SNTG1: variants seen among roughly 807,000 people sequenced by gnomAD.
SNTG1 encodes the protein syntrophin gamma 1.
A neutral mutation model predicts 74.7 loss-of-function variants in SNTG1; 39 were observed. The ratio of observed to expected loss-of-function variants is 0.52; its 90% confidence interval spans 0.40 to 0.68. The LOEUF is 0.68. Ranked by LOEUF, SNTG1 falls within the 30% of genes least tolerant of loss-of-function variation. The pLI is 0.00. For missense variants in SNTG1, 685 were observed against 609.5 expected (o/e 1.12, Z -1.30); for synonymous variants, 254 against 217.1 (o/e 1.17, Z -1.49).
chr8:50,022,503 A>G (rs939534580), intron 1 of SNTG1, among the ~76,000 whole-genome samples: 1 of 152,194 alleles, frequency 6.6e-6, no homozygotes, highest in Non-Finnish European at 1.5e-5. Context: ...TATTAAACCA[A>G]TGAGAGCTTC....
chr8:49,948,203 A>G (rs1454566108), intron 1 of SNTG1, among the ~76,000 whole-genome samples: 11 of 151,998 alleles, frequency 7.2e-5, no homozygotes, highest in Admixed American at 7.2e-4. Flanking sequence ...ATCTCATAAA[A>G]CCTCTGTAAA....
chr8:49,971,064 C>A (rs891082091), intron 1 of SNTG1, among the ~76,000 whole-genome samples: 1 of 151,946 alleles, frequency 6.6e-6, no homozygotes, highest in Non-Finnish European at 1.5e-5. Flanking sequence ...GAGACACAAC[C>A]AAAAAAGAGA....
intron 2 of SNTG1, among the ~76,000 whole-genome samples, chr8:50,226,363 C>T (rs2085328303): frequency 6.6e-6 from 1 of 152,228 alleles, no homozygotes; most frequent in East Asian, 1.9e-4. Flanking sequence ...CCCTGATGTC[C>T]TTTGTGGGGG....
intron 2 of SNTG1, among the ~76,000 whole-genome samples, chr8:50,357,919 T>C (rs1227672726): frequency 6.6e-6 from 1 of 152,216 alleles, no homozygotes; most frequent in Admixed American, 6.5e-5. Flanking sequence ...AGATATTTGA[T>C]TGTGTCTCCG....
chr8:49,974,347 T>G (rs1333102641), intron 1 of SNTG1, among the ~76,000 whole-genome samples: 3 of 152,222 alleles, frequency 2.0e-5, no homozygotes. Flanking sequence ...ATATATTTTA[T>G]TTGCTTCTTT....
intron 1 of SNTG1, among the ~76,000 whole-genome samples, chr8:49,981,983 TA>T (rs35783241): frequency 6.6e-6 from 1 of 152,002 alleles, no homozygotes; most frequent in Admixed American, 6.6e-5. Flanking sequence ...AGGTCCTTCT[TA>T]AAAAAATAAC....
intron 1 of SNTG1, among the ~76,000 whole-genome samples, chr8:49,952,183 A>G (rs1809781257): frequency 6.6e-6 from 1 of 152,162 alleles, no homozygotes; most frequent in Non-Finnish European, 1.5e-5. Flanking sequence ...TCCATGTGCT[A>G]TATACTGTAT....
intron 2 of SNTG1, among the ~76,000 whole-genome samples, chr8:50,271,801 G>C (rs150123605): frequency 6.6e-6 from 1 of 152,214 alleles, no homozygotes; most frequent in East Asian, 1.9e-4. Flanking sequence ...TACATACCTG[G>C]TGTTATGATA....
chr8:50,126,367 A>G (rs956352721), intron 1 of SNTG1, among the ~76,000 whole-genome samples: 1 of 152,188 alleles, frequency 6.6e-6, no homozygotes, highest in African/African-American at 2.4e-5. Flanking sequence ...GAGAAGAAAT[A>G]GGTTTGAATG....
At chr8:50,419,816 G>A (rs1477404682) in intron 4 of SNTG1, among the ~76,000 whole-genome samples, 7 of 152,048 alleles carry the variant, frequency 4.6e-5, no homozygotes, top group African/African-American at 1.7e-4. Flanking sequence ...TGAAACAAAT[G>A]AGAAAATAGA....
chr8:50,637,246 T>C lies in SNTG1; in HGVS notation c.850-19663T>C, dbSNP rs146953362. Among the ~76,000 whole-genome samples the C allele has an allele frequency of 1.6e-3, 241 of 152,270 alleles. 1 individual carries two copies. Among genetic ancestry groups the C allele is most frequent in the African/African-American group, 5.5e-3 (228 of 41,566 alleles). ...CTTGCTTGCTTGGGGCTCAGGTGTTTTACGATGATTAAAATTTTCTTGTTA... is the reference window on the plus strand; with the variant it reads ...CTTGCTTGCTTGGGGCTCAGGTGTTCTACGATGATTAAAATTTTCTTGTTA... On this transcript the variant is annotated intron_variant, in intron 13 of 18. Transcript: ENST00000642720.
chr8:50,034,381 A>C (rs1259836176), intron 1 of SNTG1, among the ~76,000 whole-genome samples: 1 of 152,266 alleles, frequency 6.6e-6, no homozygotes, highest in Non-Finnish European at 1.5e-5. Context: ...TTAGAAAACA[A>C]GCAAGGTTGT....
intron 17 of SNTG1, among the ~76,000 whole-genome samples, chr8:50,725,659 T>C (rs963900622): frequency 2.0e-5 from 3 of 152,158 alleles, no homozygotes; most frequent in Non-Finnish European, 4.4e-5. Flanking sequence ...AGAGGACAGG[T>C]TGCAGCAAGC....
intron 2 of SNTG1, among the ~76,000 whole-genome samples, chr8:50,184,692 T>G (rs1320220512): frequency 6.6e-6 from 1 of 152,182 alleles, no homozygotes; most frequent in Non-Finnish European, 1.5e-5. Flanking sequence ...ATTTAATATG[T>G]GTCCCAGTGA....
In SNTG1 at chr8:50,249,767, C is replaced by G. The variant is rs542241393; in HGVS notation, c.-28+77132C>G. Among the ~76,000 whole-genome samples the G allele has an allele frequency of 1.1e-4, 16 of 152,182 alleles. 1 individual carries two copies. Among genetic ancestry groups the G allele is most frequent in the African/African-American group, 3.9e-4 (16 of 41,506 alleles). ...AACATGCTACTGAGTTCACCCAGAACCAAAGCCAATGCTACATTCTCAACC... is the reference window on the plus strand; with the variant it reads ...AACATGCTACTGAGTTCACCCAGAAGCAAAGCCAATGCTACATTCTCAACC... On this transcript the variant is annotated intron_variant, in intron 2 of 18. Coordinates refer to ENST00000642720, the MANE Select transcript of SNTG1 (RefSeq NM_018967.5).
intron 1 of SNTG1, among the ~76,000 whole-genome samples, chr8:50,106,450 G>C (rs1015984212): frequency 6.6e-6 from 1 of 152,064 alleles, no homozygotes; most frequent in Non-Finnish European, 1.5e-5. Flanking sequence ...GTACTATGTT[G>C]AATAGGAATA....
chr8:50,014,974 A>G (rs1816173314), intron 1 of SNTG1, among the ~76,000 whole-genome samples: 2 of 151,870 alleles, frequency 1.3e-5, no homozygotes, highest in South Asian at 2.1e-4. Flanking sequence ...ACAAAAACTC[A>G]TGAGCATGCA....
intron 12 of SNTG1, among the ~76,000 whole-genome samples, chr8:50,583,717 T>TC (rs1207102685): frequency 5.6e-5 from 7 of 124,736 alleles, no homozygotes; most frequent in Admixed American, 7.5e-5. Flanking sequence ...TGCTGAGCTT[T>TC]TTTTTTTTTT....
chr8:50,563,734 C>T (rs2094500556), intron 12 of SNTG1, among the ~76,000 whole-genome samples: 1 of 152,034 alleles, frequency 6.6e-6, no homozygotes, highest in Non-Finnish European at 1.5e-5. Context: ...GTACCATGTA[C>T]AACAACTTGG....
Sources: gnomAD v4.1 joint callset for allele counts (sites outside exome capture counted in the v4.1 genomes callset) on GRCh38, gnomAD v4.1.1 for gene constraint, MANE v1.5 for transcripts, NCBI Gene and HGNC (gene_info 2026-07-23, HGNC 2026-07-21) for gene names.